LRRC7: variants seen among roughly 807,000 people sequenced by gnomAD.
The protein encoded by LRRC7 is leucine rich repeat containing 7, also known as leucine-rich repeat-containing protein 7.
LRRC7 carries 23 observed loss-of-function variants against 175.7 expected under a neutral mutation model. The ratio of observed to expected loss-of-function variants is 0.13; its 90% CI spans 0.09 to 0.19. The LOEUF (loss-of-function observed/expected upper bound fraction) is 0.19, where lower values mean the gene tolerates loss of function less well. Ranked by LOEUF, LRRC7 falls within the 10% of genes least tolerant of loss-of-function variation. LRRC7 has a pLI of 1.00. For missense variants in LRRC7, 1,354 were observed against 1,904.7 expected (o/e 0.71, Z 5.38); for synonymous variants, 685 against 680.9 (o/e 1.01, Z -0.09).
At chr1:70,026,862 A>C (rs1016450420) in intron 17 of LRRC7, among the ~76,000 whole-genome samples, 1 of 152,164 alleles carries the variant, frequency 6.6e-6, no homozygotes, top group Non-Finnish European at 1.5e-5. Context: ...AATGAGCCAC[A>C]AGGAAGACAA....
intron 1 of LRRC7, among the ~76,000 whole-genome samples, chr1:69,646,112 G>A (rs1654973221): frequency 6.6e-6 from 1 of 152,034 alleles, no homozygotes; most frequent in South Asian, 2.1e-4. Context: ...ATTAGGCTCA[G>A]AGCTTACTCC....
chr1:69,828,343 C>A (rs1452541680), intron 5 of LRRC7, among the ~76,000 whole-genome samples: 2 of 152,128 alleles, frequency 1.3e-5, no homozygotes, highest in Non-Finnish European at 2.9e-5. Context: ...TGATAAGAAA[C>A]TTCCAAATCA....
At chr1:69,901,658 T>G (rs1265415528) in intron 7 of LRRC7, among the ~76,000 whole-genome samples, 3 of 152,176 alleles carry the variant, frequency 2.0e-5, no homozygotes, top group Non-Finnish European at 4.4e-5. Flanking sequence ...ATCTCTTCCT[T>G]GGCCATTAAT....
At chr1:70,046,348 A>C (rs1312962620) in intron 22 of LRRC7, among the ~76,000 whole-genome samples, 1 of 152,136 alleles carries the variant, frequency 6.6e-6, no homozygotes, top group African/African-American at 2.4e-5. Flanking sequence ...AGAAGAAATA[A>C]TACAGAGTTA....
chr1:69,737,838 A>T (rs1257693140), intron 2 of LRRC7, among the ~76,000 whole-genome samples: 1 of 152,170 alleles, frequency 6.6e-6, no homozygotes, highest in East Asian at 1.9e-4. Flanking sequence ...ACAGTCTCAT[A>T]CCAGAGTTTT....
intron 4 of LRRC7, among the ~76,000 whole-genome samples, chr1:69,806,661 T>C (rs1348366390): frequency 6.6e-6 from 1 of 152,068 alleles, no homozygotes; most frequent in Non-Finnish European, 1.5e-5. Flanking sequence ...TAAATTATCC[T>C]AGCAATGTTT....
chr1:70,042,150 C>T (rs903477632), intron 21 of LRRC7, among the ~76,000 whole-genome samples: 4 of 152,160 alleles, frequency 2.6e-5, no homozygotes, highest in Admixed American at 6.5e-5. Context: ...CTTTTGTTTT[C>T]GCCAAGTCAC....
At chr1:70,017,200 G>A (rs561158464) in intron 14 of LRRC7, among the ~76,000 whole-genome samples, 17 of 151,470 alleles carry the variant, frequency 1.1e-4, no homozygotes, top group East Asian at 3.9e-4. Context: ...GCTTGAACCC[G>A]GGGGGCACAG....
intron 1 of LRRC7, among the ~76,000 whole-genome samples, chr1:69,673,871 A>G (rs1013731668): frequency 1.3e-5 from 2 of 152,174 alleles, no homozygotes; most frequent in African/African-American, 4.8e-5. Flanking sequence ...GCAGTTCTCA[A>G]AAACTTAAAA....
chr1:70,039,723 G>A lies in LRRC7; in HGVS notation c.3899G>A (p.Ser1300Asn). ...TRPTPVKGEE[S>N]CGKMPADWRQ... ...CCTACTCCTGTGAAGGGAGAGGAGA[G>A]CTGTGGTAAAATGCCTGCAGACTGG... is the stretch of plus-strand genomic sequence containing the variant. The change falls in exon 21 of 27, where the codon AGC becomes AAC. Residue 1300 changes from serine to asparagine, a missense_variant. Around this residue, in one of 4 missense-constraint regions of LRRC7, gnomAD observed 1,032 missense variants for 1,227.2 expected, o/e 0.84. Transcript: ENST00000651989. The A allele has an allele frequency of 3.1e-6, 5 of 1,613,858 alleles. No individual in the cohort carries two copies. Among genetic ancestry groups the A allele is most frequent in the Non-Finnish European group, 4.2e-6 (5 of 1,179,892 alleles).
At chr1:69,629,950 A>G (rs1260548532) in intron 1 of LRRC7, among the ~76,000 whole-genome samples, 1 of 152,174 alleles carries the variant, frequency 6.6e-6, no homozygotes, top group Non-Finnish European at 1.5e-5. Context: ...GAGAATATAG[A>G]CATCATCAGA....
At chr1:69,972,937 T>C (rs1652401909) in intron 8 of LRRC7, among the ~76,000 whole-genome samples, 1 of 146,348 alleles carries the variant, frequency 6.8e-6, no homozygotes, top group Non-Finnish European at 1.5e-5. Flanking sequence ...TATATATATT[T>C]ATATATATAT....
intron 4 of LRRC7, among the ~76,000 whole-genome samples, chr1:69,792,826 G>A (rs1202915615): frequency 6.6e-6 from 1 of 151,990 alleles, no homozygotes; most frequent in Non-Finnish European, 1.5e-5. Flanking sequence ...TGATATTCAG[G>A]TTGATTATTT....
intron 4 of LRRC7, among the ~76,000 whole-genome samples, chr1:69,813,849 T>G (rs1455977583): frequency 6.6e-6 from 1 of 152,142 alleles, no homozygotes; most frequent in Non-Finnish European, 1.5e-5. Flanking sequence ...TTGGATTACG[T>G]GGTCTACAAA....
At chr1:69,641,812 A>C (rs13376037) in intron 1 of LRRC7, among the ~76,000 whole-genome samples, 2,586 of 151,948 alleles carry the variant, frequency 0.017, 67 homozygotes, top group African/African-American at 0.059. Context: ...TCTACATATA[A>C]AAATTTTAAA....
intron 7 of LRRC7, among the ~76,000 whole-genome samples, chr1:69,855,102 A>T (rs1369872146): frequency 6.6e-6 from 1 of 152,178 alleles, no homozygotes; most frequent in Non-Finnish European, 1.5e-5. Flanking sequence ...GTGGTTGTTA[A>T]GTTTGCAGAG....
At chr1:69,652,485 G>A (rs1475988791) in intron 1 of LRRC7, among the ~76,000 whole-genome samples, 2 of 152,076 alleles carry the variant, frequency 1.3e-5, no homozygotes. Context: ...CTAAATAAAT[G>A]AAGAGGCTCT....
At chr1:69,719,491 A>C (rs1003313921) in intron 2 of LRRC7, among the ~76,000 whole-genome samples, 1 of 151,684 alleles carries the variant, frequency 6.6e-6, no homozygotes. Context: ...ATGAGATTAC[A>C]TAACACTCTC....
chr1:69,803,997 G>A (rs1282633292), intron 4 of LRRC7, among the ~76,000 whole-genome samples: 3 of 150,696 alleles, frequency 2.0e-5, no homozygotes, highest in African/African-American at 7.3e-5. Flanking sequence ...TTTGTTTATT[G>A]GTTTGTTTTC....
Sources: gnomAD v4.1 joint callset for allele counts (sites outside exome capture counted in the v4.1 genomes callset) on GRCh38, gnomAD v4.1.1 for gene constraint, gnomAD v4.1.1 regional missense constraint, MANE v1.5 for transcripts, NCBI Gene and HGNC (gene_info 2026-07-23, HGNC 2026-07-21) for gene names.